Variants in PTPRD observed in about 807,000 individuals in gnomAD.
PTPRD encodes the protein receptor-type tyrosine-protein phosphatase delta.
In PTPRD, 34 loss-of-function variants were observed where a neutral mutation model predicts 214.5. That is an observed-to-expected ratio of 0.16 (90% CI 0.12 to 0.21). The LOEUF (loss-of-function observed/expected upper bound fraction) is 0.21, where lower values mean the gene tolerates loss of function less well. PTPRD is among the 10% of genes least tolerant of loss of function. The pLI is 1.00. For missense variants in PTPRD, 2,545 were observed against 2,398.7 expected (o/e 1.06, Z -1.27); for synonymous variants, 1,128 against 845.7 (o/e 1.33, Z -5.79).
intron 5 of PTPRD, among the ~76,000 whole-genome samples, chr9:9,805,630 T>C (rs1360305774): frequency 6.6e-6 from 1 of 152,216 alleles, no homozygotes; most frequent in East Asian, 1.9e-4. Context: ...AGTACACTTT[T>C]ATGCCTTTAT....
intron 10 of PTPRD, among the ~76,000 whole-genome samples, chr9:9,125,302 G>A (rs1376444435): frequency 2.0e-5 from 3 of 152,140 alleles, no homozygotes; most frequent in Non-Finnish European, 4.4e-5. Context: ...CGCTGCCAGA[G>A]AAGGGCTGAT....
chr9:9,703,930 G>A (rs1349478291), intron 7 of PTPRD, among the ~76,000 whole-genome samples: 1 of 152,016 alleles, frequency 6.6e-6, no homozygotes, highest in Non-Finnish European at 1.5e-5. Flanking sequence ...TGTTACTCAG[G>A]CTGGAGTGCA....
At chr9:10,294,014 T>C (rs1439549738) in intron 3 of PTPRD, among the ~76,000 whole-genome samples, 2 of 151,992 alleles carry the variant, frequency 1.3e-5, no homozygotes, top group Non-Finnish European at 2.9e-5. Context: ...TTATGGCATA[T>C]TCTGTAATAA....
chr9:9,575,562 A>T (rs928356658), intron 7 of PTPRD, among the ~76,000 whole-genome samples: 1 of 151,420 alleles, frequency 6.6e-6, no homozygotes, highest in African/African-American at 2.4e-5. Flanking sequence ...CTACTAAAAA[A>T]TAGAAATATT....
intron 4 of PTPRD, among the ~76,000 whole-genome samples, chr9:10,027,393 C>T (rs1489877519): frequency 6.6e-6 from 1 of 152,154 alleles, no homozygotes; most frequent in Non-Finnish European, 1.5e-5. Context: ...CAAAGATTCC[C>T]TAGTTCACAA....
intron 6 of PTPRD, among the ~76,000 whole-genome samples, chr9:9,735,944 A>G (rs1402919010): frequency 6.6e-6 from 1 of 152,162 alleles, no homozygotes; most frequent in East Asian, 1.9e-4. Context: ...TGCTCATGTA[A>G]TTATTACACA....
chr9:8,743,471 C>G (rs950933823), intron 11 of PTPRD, among the ~76,000 whole-genome samples: 1 of 152,166 alleles, frequency 6.6e-6, no homozygotes, highest in African/African-American at 2.4e-5. Flanking sequence ...GTTTCAAGGA[C>G]TGTTTTCTCA....
At chr9:8,887,188 G>C (rs891517568) in intron 11 of PTPRD, among the ~76,000 whole-genome samples, 4 of 152,078 alleles carry the variant, frequency 2.6e-5, no homozygotes, top group South Asian at 2.1e-4. Flanking sequence ...ACTCCATAAC[G>C]CATGCTATTA....
intron 9 of PTPRD, among the ~76,000 whole-genome samples, chr9:9,245,067 C>G (rs756926808): frequency 6.6e-6 from 1 of 152,090 alleles, no homozygotes; most frequent in African/African-American, 2.4e-5. Context: ...CAGAGAAATG[C>G]AAATCAAAAC....
At position 9,234,815 on chromosome 9, in the gene PTPRD, C is replaced by T. The variant is rs10977597; in HGVS notation, c.-202-51452G>A. ...ATTGTCCATACCACTATCAGCATTT[C>T]GCTAAAAGCCATTCAACAAGTCTCT... On this transcript the variant is annotated intron_variant, in intron 9 of 45. Transcript: ENST00000381196. Among the ~76,000 whole-genome samples the T allele has an allele frequency of 8.3e-3, 1,258 of 152,252 alleles. 10 individuals carry two copies. The highest frequency in any genetic ancestry group is 0.031 in the East Asian group (158 of 5,158).
intron 14 of PTPRD, among the ~76,000 whole-genome samples, chr9:8,593,018 G>C (rs1437645180): frequency 6.6e-6 from 1 of 152,178 alleles, no homozygotes; most frequent in Non-Finnish European, 1.5e-5. Flanking sequence ...TATGTGGCTG[G>C]TATGAAAGGA....
At chr9:9,940,074 T>C (rs1252377133) in intron 4 of PTPRD, among the ~76,000 whole-genome samples, 1 of 152,046 alleles carries the variant, frequency 6.6e-6, no homozygotes, top group Non-Finnish European at 1.5e-5. Context: ...TTTATAAAAG[T>C]GTGGGCTGTA....
chr9:10,552,424 T>C (rs998815390), intron 2 of PTPRD, among the ~76,000 whole-genome samples: 1 of 152,182 alleles, frequency 6.6e-6, no homozygotes, highest in Admixed American at 6.5e-5. Flanking sequence ...AACTCCATCA[T>C]GCTCTTGACC....
intron 7 of PTPRD, among the ~76,000 whole-genome samples, chr9:9,599,727 C>T (rs2093616936): frequency 6.6e-6 from 1 of 151,788 alleles, no homozygotes; most frequent in African/African-American, 2.4e-5. Context: ...TTCTAGAATT[C>T]CTGTAATTTA....
chr9:9,713,944 G>C (rs2097776401), intron 7 of PTPRD, among the ~76,000 whole-genome samples: 1 of 151,938 alleles, frequency 6.6e-6, no homozygotes, highest in South Asian at 2.1e-4. Context: ...CTTCCAGGAA[G>C]GTAGGTTACC....
At chr9:9,132,749 A>T (rs1015894353) in intron 10 of PTPRD, among the ~76,000 whole-genome samples, 1 of 152,206 alleles carries the variant, frequency 6.6e-6, no homozygotes, top group East Asian at 1.9e-4. Flanking sequence ...GCAGATTCCA[A>T]ATCTTCTTCC....
chr9:9,482,229 C>G (rs2095445173), intron 8 of PTPRD, among the ~76,000 whole-genome samples: 2 of 152,030 alleles, frequency 1.3e-5, no homozygotes, highest in Admixed American at 6.6e-5. Flanking sequence ...TTATCATATA[C>G]CTGGACATTC....
intron 3 of PTPRD, among the ~76,000 whole-genome samples, chr9:10,250,222 T>TA (rs1192961395): frequency 1.3e-5 from 2 of 152,108 alleles, no homozygotes; most frequent in African/African-American, 4.8e-5. Flanking sequence ...AAAGTGACTA[T>TA]AAAAAAGTAA....
At chr9:10,269,228 G>A (rs2094280759) in intron 3 of PTPRD, among the ~76,000 whole-genome samples, 1 of 152,128 alleles carries the variant, frequency 6.6e-6, no homozygotes, top group South Asian at 2.1e-4. Flanking sequence ...GAAGTCTAAT[G>A]CAATTTCTAA....
Sources: gnomAD v4.1 joint callset for allele counts (sites outside exome capture counted in the v4.1 genomes callset) on GRCh38, gnomAD v4.1.1 for gene constraint, MANE v1.5 for transcripts, NCBI Gene and HGNC (gene_info 2026-07-23, HGNC 2026-07-21) for gene names.